GALNT18: variants seen among roughly 807,000 people sequenced by gnomAD.
GALNT18 encodes polypeptide N-acetylgalactosaminyltransferase 18.
GALNT18 carries 44 observed loss-of-function variants against 69.5 expected under a neutral mutation model. That is an observed-to-expected ratio of 0.63 (90% CI 0.50 to 0.81). GALNT18 has a LOEUF of 0.81. Ranked by LOEUF, GALNT18 falls within the 40% of genes least tolerant of loss-of-function variation. GALNT18 has a pLI of 0.00. For missense variants in GALNT18, 715 were observed against 810.0 expected, an observed-to-expected ratio of 0.88 and a Z score of 1.42; for synonymous variants, 364 against 318.2, an observed-to-expected ratio of 1.14 and a Z score of -1.53.
intron 2 of GALNT18, among the ~76,000 whole-genome samples, chr11:11,438,620 A>G (rs935975792): frequency 2.6e-5 from 4 of 152,092 alleles, no homozygotes; most frequent in African/African-American, 9.7e-5. Flanking sequence ...TTTGATTCCA[A>G]AGCTTGTCTT....
chr11:11,423,103 C>T (rs2133777999), intron 3 of GALNT18, among the ~76,000 whole-genome samples: 1 of 152,318 alleles, frequency 6.6e-6, no homozygotes, highest in East Asian at 1.9e-4. Context: ...CACCCACAAG[C>T]ACACTCACAC....
Position 11,465,234 on chromosome 11 carries a change from A to T in GALNT18, c.236-16298T>A, listed in dbSNP as rs1250631612. ...GGGAGGAAGGGATGTCAAGGAGGCCACATTGGCACCGGGAGCTGAATGCCA... is the reference window on the plus strand; with the variant it reads ...GGGAGGAAGGGATGTCAAGGAGGCCTCATTGGCACCGGGAGCTGAATGCCA... On this transcript the variant is annotated intron_variant, in intron 1 of 10. Coordinates refer to ENST00000227756, the MANE Select transcript of GALNT18 (RefSeq NM_198516.3). The surrounding 1 kb of genome is among the most constrained non-coding windows in gnomAD (Gnocchi z 5.7). Among the ~76,000 whole-genome samples, 3 of 152,128 alleles carry T rather than the reference A, an allele frequency of 2.0e-5. No homozygotes were observed. Among genetic ancestry groups the T allele is most frequent in the Non-Finnish European group, 4.4e-5 (3 of 68,032 alleles).
intron 1 of GALNT18, among the ~76,000 whole-genome samples, chr11:11,556,672 G>A (rs1396588959): frequency 6.6e-6 from 1 of 152,244 alleles, no homozygotes; most frequent in Admixed American, 6.5e-5. Context: ...TCTGAAAACA[G>A]GAAAGCAGGA....
At chr11:11,363,507 C>G (rs1850687723) in intron 6 of GALNT18, among the ~76,000 whole-genome samples, 1 of 152,012 alleles carries the variant, frequency 6.6e-6, no homozygotes, top group Non-Finnish European at 1.5e-5. Context: ...CTTGAGCATT[C>G]TGGGGAATAA....
chr11:11,453,328 T>A (rs1564957236), intron 1 of GALNT18, among the ~76,000 whole-genome samples: 2 of 151,994 alleles, frequency 1.3e-5, no homozygotes, highest in African/African-American at 4.8e-5. Flanking sequence ...AGCACTCACC[T>A]CCCATCTCTG....
intron 3 of GALNT18, among the ~76,000 whole-genome samples, chr11:11,412,289 T>G (rs1461486192): frequency 6.6e-6 from 1 of 152,184 alleles, no homozygotes; most frequent in African/African-American, 2.4e-5. Context: ...AGGGCCCTAC[T>G]AGACCCCTAC....
At chr11:11,552,791 T>C (rs1329546268) in intron 1 of GALNT18, among the ~76,000 whole-genome samples, 1 of 152,184 alleles carries the variant, frequency 6.6e-6, no homozygotes, top group Non-Finnish European at 1.5e-5. Flanking sequence ...AGCTTCTGCA[T>C]GGTTCTGTCA....
At chr11:11,299,430 C>T (rs561426211) in intron 9 of GALNT18, among the ~76,000 whole-genome samples, 1 of 152,302 alleles carries the variant, frequency 6.6e-6, no homozygotes, top group Admixed American at 6.5e-5. Context: ...ACAGGCACAG[C>T]CACTGTGCCT....
At chr11:11,271,820 T>C (rs11021739) in intron 10 of GALNT18, among the ~76,000 whole-genome samples, 58,855 of 152,082 alleles carry the variant, frequency 0.39, 11,806 homozygotes, top group Middle Eastern at 0.52. Context: ...GCATGATTTT[T>C]CCCCATGCTA....
At chr11:11,357,474 T>TCCCTC (rs1850555242) in intron 6 of GALNT18, among the ~76,000 whole-genome samples, 1 of 152,134 alleles carries the variant, frequency 6.6e-6, no homozygotes, top group East Asian at 1.9e-4. Context: ...CTCCACCCAC[T>TCCCTC]CCCTCCTTAG....
At chr11:11,457,800 C>T (rs1456390684) in intron 1 of GALNT18, among the ~76,000 whole-genome samples, 1 of 149,608 alleles carries the variant, frequency 6.7e-6, no homozygotes, top group African/African-American at 2.4e-5. Context: ...GAGGGGATCA[C>T]TGAGAAGGCT....
chr11:11,563,785 C>T lies in GALNT18; in HGVS notation c.235+57574G>A, dbSNP rs1858575888. ...AAACTATTCTGAGAAATCAAAGCAG[C>T]TCTTTTCTATCCAGAACTATAAATA... is the stretch of plus-strand genomic sequence containing the variant. On this transcript the variant is annotated intron_variant, in intron 1 of 10. Coordinates refer to ENST00000227756, the MANE Select transcript of GALNT18 (RefSeq NM_198516.3). This position sits in a 1 kb window ranked among gnomAD's most constrained non-coding sequence, Gnocchi z 4.6. 6.6e-6 allele frequency among the ~76,000 whole-genome samples: 1 copy of T among 152,238 alleles called. No individual in the cohort carries two copies. The highest frequency in any genetic ancestry group is 6.5e-5 in the Admixed American group (1 of 15,274).
chr11:11,445,065 A>C (rs1300906177), intron 2 of GALNT18, among the ~76,000 whole-genome samples: 7 of 152,202 alleles, frequency 4.6e-5, no homozygotes, highest in Admixed American at 4.6e-4. Flanking sequence ...CAACATGTAG[A>C]CGCCGACCTT....
intron 6 of GALNT18, among the ~76,000 whole-genome samples, chr11:11,349,228 C>A (rs753677377): frequency 6.6e-6 from 1 of 152,016 alleles, no homozygotes; most frequent in Non-Finnish European, 1.5e-5. Flanking sequence ...GTCTTGTTTC[C>A]GGTATTACGG....
chr11:11,372,626 G>A lies in GALNT18; in HGVS notation c.981C>T (p.Ser327=). The change falls in exon 6 of 11, where the codon AGC becomes AGT. Residue 327 remains serine, a synonymous_variant. Coordinates refer to ENST00000227756, the MANE Select transcript of GALNT18 (RefSeq NM_198516.3). This position sits in a 1 kb window ranked among gnomAD's most constrained non-coding sequence, Gnocchi z 4.9. The part of the protein sequence containing the change: ...KLENSTAPIR[S]PALIGCFIVD... The stretch of plus-strand genomic sequence containing the variant: ...CAATGAAGCAGCCAATGAGGGCAGG[G>A]CTCCTGCAGGGGCAGGGGAGAGCAG... 6.2e-7 allele frequency: 1 copy of A among 1,613,710 alleles called. No individual in the cohort carries two copies. Among genetic ancestry groups the A allele is most frequent in the Non-Finnish European group, 8.5e-7 (1 of 1,179,708 alleles).
chr11:11,298,977 C>T (rs1849447484), intron 9 of GALNT18, among the ~76,000 whole-genome samples: 1 of 152,084 alleles, frequency 6.6e-6, no homozygotes, highest in African/African-American at 2.4e-5. Context: ...AGGCCCCACT[C>T]CCTTGCATTC....
rs571260556 is a variant in GALNT18 at position 11,591,079 on chromosome 11, C to A, written c.235+30280G>T. ...CATCATAGCAGATGACAGCTCTATG[C>A]ATGTTATTGCCCAATGGGACAAGAT... On this transcript the variant is annotated intron_variant, in intron 1 of 10. Transcript: ENST00000227756. The surrounding 1 kb of genome is among the most constrained non-coding windows in gnomAD (Gnocchi z 4.8). 1.3e-5 allele frequency among the ~76,000 whole-genome samples: 2 copies of A among 151,890 alleles called. No homozygotes were observed. The highest frequency in any genetic ancestry group is 2.9e-5 in the Non-Finnish European group (2 of 67,964).
chr11:11,459,612 C>T lies in GALNT18; in HGVS notation c.236-10676G>A, dbSNP rs1170775516. On this transcript the variant is annotated intron_variant, in intron 1 of 10. Coordinates refer to ENST00000227756, the MANE Select transcript of GALNT18 (RefSeq NM_198516.3). The surrounding 1 kb of genome is among the most constrained non-coding windows in gnomAD (Gnocchi z 5.0). The stretch of plus-strand genomic sequence containing the variant: ...TCTGCCCTGGATTGGCTGTGTGACC[C>T]TCATCAAGCTCTTAAACCTCTCTGA... 6.6e-6 allele frequency among the ~76,000 whole-genome samples: 1 copy of T among 152,208 alleles called. No homozygotes were observed. Among genetic ancestry groups the T allele is most frequent in the Non-Finnish European group, 1.5e-5 (1 of 68,042 alleles).
Position 11,327,103 on chromosome 11 carries a change from G to C in GALNT18, c.1495C>G (p.His499Asp). ...GGACTCACCTGAGGCGTCATCCCATGGCAGATGTACATGATGGGGACATTC... is the reference window on the plus strand; with the variant it reads ...GGACTCACCTGAGGCGTCATCCCATCGCAGATGTACATGATGGGGACATTC... ...TENVPIMYICHGMTPQNVYYT... is the reference protein window; with the variant it reads ...TENVPIMYICDGMTPQNVYYT... The change falls in exon 9 of 11, where the codon CAT becomes GAT. Residue 499 changes from histidine to aspartate, a missense_variant. By Grantham distance (81) the His-to-Asp change is moderately conservative (BLOSUM62 -1). Coordinates refer to ENST00000227756, the MANE Select transcript of GALNT18 (RefSeq NM_198516.3). 6.2e-7 allele frequency: 1 copy of C among 1,613,188 alleles called. No homozygotes were observed. Among genetic ancestry groups the C allele is most frequent in the Non-Finnish European group, 8.5e-7 (1 of 1,179,182 alleles).
Sources: gnomAD v4.1 joint callset for allele counts (sites outside exome capture counted in the v4.1 genomes callset) on GRCh38, gnomAD v4.1.1 for gene constraint, Gnocchi (gnomAD v3.1) non-coding constraint, MANE v1.5 for transcripts, NCBI Gene and HGNC (gene_info 2026-07-23, HGNC 2026-07-21) for gene names.